The following ENAH variants were observed in gnomAD, a reference collection of about 807,000 sequenced individuals.
ENAH encodes protein enabled homolog.
A neutral mutation model predicts 78.7 loss-of-function variants in ENAH; 23 were observed. The observed-to-expected ratio is 0.29, with a 90% CI of 0.21 to 0.41. The LOEUF (loss-of-function observed/expected upper bound fraction) is 0.41. Ranked by LOEUF, ENAH falls within the 10% of genes least tolerant of loss-of-function variation. The pLI is 1.00. For missense variants in ENAH, 544 were observed against 691.0 expected (o/e 0.79, Z 2.39); for synonymous variants, 226 against 241.0 (o/e 0.94, Z 0.58).
At chr1:225,506,980 A>C (rs1325059476) in intron 11 of ENAH, among the ~76,000 whole-genome samples, 2 of 152,190 alleles carry the variant, frequency 1.3e-5, no homozygotes, top group Non-Finnish European at 2.9e-5. Context: ...TTAGTTTCTA[A>C]ATACATACTT....
chr1:225,530,515 G>C, intron 4 of ENAH, 39 bp downstream of exon 4: 1 of 1,504,780 alleles, frequency 6.6e-7, no homozygotes, highest in African/African-American at 1.4e-5. Context: ...GTCTTCTGAA[G>C]CATAAAGAAA....
chr1:225,535,738 G>A (rs1443280814), intron 3 of ENAH, among the ~76,000 whole-genome samples: 1 of 152,002 alleles, frequency 6.6e-6, no homozygotes, highest in African/African-American at 2.4e-5. Flanking sequence ...CTTTAACATA[G>A]GCTCTTAAAA....
intron 1 of ENAH, among the ~76,000 whole-genome samples, chr1:225,635,482 T>C (rs1234902627): frequency 6.6e-6 from 1 of 152,226 alleles, no homozygotes; most frequent in African/African-American, 2.4e-5. Context: ...AATCTTTGCA[T>C]ATATTTATTT....
intron 1 of ENAH, among the ~76,000 whole-genome samples, chr1:225,633,965 TA>T: frequency 6.6e-6 from 1 of 152,190 alleles, no homozygotes; most frequent in Non-Finnish European, 1.5e-5. Context: ...AGCTAATCTT[TA>T]AAAATAAGTT....
At chr1:225,564,707 G>A (rs2096726273) in intron 2 of ENAH, among the ~76,000 whole-genome samples, 2 of 152,068 alleles carry the variant, frequency 1.3e-5, no homozygotes, top group Non-Finnish European at 2.9e-5. Flanking sequence ...AAAAAGCTGG[G>A]ATTACAGGTG....
At chr1:225,542,724 A>C (rs2096595546) in intron 3 of ENAH, among the ~76,000 whole-genome samples, 1 of 152,192 alleles carries the variant, frequency 6.6e-6, no homozygotes, top group South Asian at 2.1e-4. Flanking sequence ...GGATTTACTA[A>C]ATAGAATTAA....
At chr1:225,586,326 A>G (rs1466890005) in intron 1 of ENAH, among the ~76,000 whole-genome samples, 2 of 151,650 alleles carry the variant, frequency 1.3e-5, no homozygotes, top group Non-Finnish European at 2.9e-5. Flanking sequence ...AGGGAAAAGT[A>G]GAGGGAAAAG....
At chr1:225,548,048 A>G (rs1318079994) in intron 3 of ENAH, among the ~76,000 whole-genome samples, 4 of 152,336 alleles carry the variant, frequency 2.6e-5, no homozygotes, top group Non-Finnish European at 4.4e-5. Context: ...TGGCATACAG[A>G]TGCACTCAAA....
At chr1:225,620,989 A>T (rs966575645) in intron 1 of ENAH, among the ~76,000 whole-genome samples, 1 of 152,034 alleles carries the variant, frequency 6.6e-6, no homozygotes, top group Non-Finnish European at 1.5e-5. Flanking sequence ...TGGGTAACAG[A>T]GCTAGACTCC....
chr1:225,630,325 C>A (rs955279410), intron 1 of ENAH, among the ~76,000 whole-genome samples: 1 of 152,054 alleles, frequency 6.6e-6, no homozygotes, highest in African/African-American at 2.4e-5. Context: ...GTTGAGAGCA[C>A]AGAAGAGTTG....
chr1:225,552,578 CATTCT>C (rs1293034462), intron 3 of ENAH, among the ~76,000 whole-genome samples: 2 of 152,106 alleles, frequency 1.3e-5, no homozygotes, highest in Non-Finnish European at 2.9e-5. Context: ...AGAACTTAGC[CATTCT>C]ATATGGTTTT....
At chr1:225,562,416 C>T (rs1342728341) in intron 2 of ENAH, among the ~76,000 whole-genome samples, 1 of 151,160 alleles carries the variant, frequency 6.6e-6, no homozygotes, top group Non-Finnish European at 1.5e-5. Context: ...ACTAAAAATA[C>T]AAAAAATTAA....
chr1:225,633,972 A>C (rs1331651518), intron 1 of ENAH, among the ~76,000 whole-genome samples: 1 of 152,224 alleles, frequency 6.6e-6, no homozygotes, highest in African/African-American at 2.4e-5. Context: ...CTTTAAAAAT[A>C]AGTTTATTTT....
chr1:225,501,265 C>A lies in ENAH; in HGVS notation c.1539-195G>T, dbSNP rs2096280809. The A allele has an allele frequency of 1.7e-5, 8 of 478,396 alleles. No individual in the cohort carries two copies. The East Asian group carries it at 2.6e-4, about 15-fold the overall frequency. The allele number at this position is 478,396 out of a possible 1,614,324, so 29.6% of individuals were successfully genotyped here. On this transcript the variant is annotated intron_variant, in intron 11 of 13. Transcript: ENST00000366843. ...CATTTTTTCACTTTTCTCAGTATTT[C>A]TTATTTATAAAGGAACTAGAAAAAG...
At chr1:225,552,889 G>T (rs2096648090) in intron 3 of ENAH, among the ~76,000 whole-genome samples, 1 of 152,096 alleles carries the variant, frequency 6.6e-6, no homozygotes, top group Admixed American at 6.5e-5. Flanking sequence ...TTACAATAGA[G>T]AATGTAATTG....
intron 1 of ENAH, among the ~76,000 whole-genome samples, chr1:225,593,591 T>C (rs548715055): frequency 1.3e-5 from 2 of 152,270 alleles, no homozygotes; most frequent in South Asian, 2.1e-4. Flanking sequence ...TGATGAAAGC[T>C]AAGAGTGATT....
chr1:225,597,314 G>A (rs1488050866), intron 1 of ENAH, among the ~76,000 whole-genome samples: 1 of 152,024 alleles, frequency 6.6e-6, no homozygotes, highest in African/African-American at 2.4e-5. Context: ...CAAAATAGTC[G>A]TTATTCATCA....
chr1:225,615,979 T>C (rs2097029068), intron 1 of ENAH, among the ~76,000 whole-genome samples: 1 of 152,180 alleles, frequency 6.6e-6, no homozygotes, highest in African/African-American at 2.4e-5. Context: ...TTTTGTTCTG[T>C]ACTAAGAAAA....
rs963811430 is a variant in ENAH, at chr1:225,652,746, C to G, written c.-56G>C. The G allele has an allele frequency of 3.8e-6, 5 of 1,302,646 alleles. No individual in the cohort carries two copies. Among genetic ancestry groups the G allele is most frequent in the East Asian group, 3.1e-5 (1 of 32,458 alleles). The allele number at this position is 1,302,646 out of a possible 1,614,324, so 80.7% of individuals were successfully genotyped here. A position where few individuals can be genotyped will look rare whatever the true frequency, so the allele number is the denominator to read the frequency against. ...GCCGGGAGACGCAGAAGGCGCCGAG[C>G]CGAGGGGGGGGTCTCTCCTCCAGGG... On this transcript the variant is annotated 5_prime_UTR_variant, in exon 1 of 14. Transcript: ENST00000366843.
Sources: allele counts gnomAD v4.1 joint callset (sites outside exome capture counted in the v4.1 genomes callset), GRCh38; gene constraint gnomAD v4.1.1; transcripts MANE v1.5; gene names NCBI Gene and HGNC (gene_info 2026-07-23, HGNC 2026-07-21).